Variants in MERTK observed in about 807,000 individuals in gnomAD.
MERTK encodes MER proto-oncogene, tyrosine kinase, also known as tyrosine-protein kinase Mer.
Under a neutral mutation model 99.3 loss-of-function variants are expected in MERTK, and 69 were observed. The ratio of observed to expected loss-of-function variants is 0.70; its 90% CI spans 0.57 to 0.85. The LOEUF (loss-of-function observed/expected upper bound fraction) is 0.85, where lower values mean the gene tolerates loss of function less well. MERTK is among the 40% of genes least tolerant of loss of function. MERTK has a pLI of 0.00. For synonymous variants in MERTK, 426 were observed against 467.6 expected, an observed-to-expected ratio of 0.91 and a Z score of 1.15; for missense variants, 1,125 against 1,249.4, an observed-to-expected ratio of 0.90 and a Z score of 1.50.
chr2:111,953,560 A>G (rs1049093975), intron 4 of MERTK, among the ~76,000 whole-genome samples: 5 of 151,362 alleles, frequency 3.3e-5, no homozygotes, highest in African/African-American at 1.2e-4. Flanking sequence ...CATCACCAAG[A>G]TCTGTACATT....
Position 111,945,076 on chromosome 2 carries a change from A to G in MERTK, c.583+16A>G, listed in dbSNP as rs759768947. On this transcript the variant is annotated intron_variant, in intron 3 of 18. Coordinates refer to ENST00000295408, the MANE Select transcript of MERTK (RefSeq NM_006343.3). ...GAAGTACAAGGTAAGTCCACAGACC[A>G]GAGTCCCATTGCCAGAGAACTGTTT... 6.3e-7 allele frequency: 1 copy of G among 1,584,638 alleles called. No homozygotes were observed. Among genetic ancestry groups the G allele is most frequent in the Admixed American group, 1.7e-5 (1 of 59,968 alleles).
At chr2:111,962,889 G>A (rs1468043413) in intron 4 of MERTK, among the ~76,000 whole-genome samples, 1 of 152,140 alleles carries the variant, frequency 6.6e-6, no homozygotes, top group Non-Finnish European at 1.5e-5. Context: ...TTCTTTTTAG[G>A]TGGAACGAGA....
At chr2:112,000,528 C>A (rs1015684830) in intron 10 of MERTK, among the ~76,000 whole-genome samples, 1 of 151,970 alleles carries the variant, frequency 6.6e-6, no homozygotes. Flanking sequence ...GCAATGTGTT[C>A]GATGTTTTGC....
chr2:111,906,217 G>A (rs1420748061), intron 1 of MERTK, among the ~76,000 whole-genome samples: 1 of 152,158 alleles, frequency 6.6e-6, no homozygotes, highest in African/African-American at 2.4e-5. Flanking sequence ...CTTTCTGACA[G>A]GTCCCCTTTT....
chr2:111,941,798 A>C (rs1429750646), intron 2 of MERTK, among the ~76,000 whole-genome samples: 1 of 152,218 alleles, frequency 6.6e-6, no homozygotes, highest in Non-Finnish European at 1.5e-5. Context: ...GACAACTGCT[A>C]AGCCCTTCCT....
intron 4 of MERTK, among the ~76,000 whole-genome samples, chr2:111,960,896 C>T (rs1413292116): frequency 1.3e-5 from 2 of 151,440 alleles, no homozygotes; most frequent in Non-Finnish European, 2.9e-5. Context: ...TCAGAGTCCA[C>T]GTATATTTTT....
chr2:111,970,871 TCTC>T (rs151086283), intron 6 of MERTK, among the ~76,000 whole-genome samples: 3,769 of 146,140 alleles, frequency 0.026, 179 homozygotes, highest in African/African-American at 0.093. Flanking sequence ...TCCTCCTTCT[TCTC>T]CTTCTTCTTG....
At chr2:111,923,544 C>T (rs951506173) in intron 1 of MERTK, among the ~76,000 whole-genome samples, 1 of 152,206 alleles carries the variant, frequency 6.6e-6, no homozygotes, top group African/African-American at 2.4e-5. Context: ...AGCTTAGCAG[C>T]ACTCGTTTAT....
chr2:111,910,622 A>G (rs1329727399), intron 1 of MERTK, among the ~76,000 whole-genome samples: 1 of 119,870 alleles, frequency 8.3e-6, no homozygotes, highest in African/African-American at 2.8e-5. Context: ...ATATATATAT[A>G]TATATACAAA....
chr2:111,985,363 G>T (rs868110393), intron 8 of MERTK, among the ~76,000 whole-genome samples: 1 of 152,076 alleles, frequency 6.6e-6, no homozygotes, highest in Non-Finnish European at 1.5e-5. Context: ...AAGAGAGTGG[G>T]GTATTGCTGC....
At chr2:111,975,179 T>C (rs1370802422) in intron 6 of MERTK, 110 bp from the exon 7 acceptor site, 1 of 1,037,248 alleles carries the variant, frequency 9.6e-7, no homozygotes, top group Non-Finnish European at 1.5e-6. Context: ...AAGCAGGTCC[T>C]TCCCCTTAGC....
chr2:111,944,266 C>T (rs1483687646), intron 2 of MERTK, among the ~76,000 whole-genome samples: 13 of 144,178 alleles, frequency 9.0e-5, no homozygotes, highest in African/African-American at 3.4e-4. Flanking sequence ...TGCCATTGTA[C>T]TCCAGCCTGG....
At chr2:111,988,683 C>T (rs1036253759) in intron 8 of MERTK, among the ~76,000 whole-genome samples, 5 of 152,218 alleles carry the variant, frequency 3.3e-5, no homozygotes, top group Non-Finnish European at 7.3e-5. Context: ...TGGTGGCTCA[C>T]GCCTATAATC....
At chr2:111,981,737 GTACA>G (rs1261096067) in intron 7 of MERTK, among the ~76,000 whole-genome samples, 2,860 of 151,206 alleles carry the variant, frequency 0.019, 31 homozygotes, top group Non-Finnish European at 0.025. Context: ...GTACACTCGT[GTACA>G]CACACACACA....
chr2:111,925,418 C>T (rs1684544854), intron 1 of MERTK, among the ~76,000 whole-genome samples: 1 of 146,020 alleles, frequency 6.8e-6, no homozygotes, highest in South Asian at 2.2e-4. Flanking sequence ...TCTCCTGTCT[C>T]AGCCTCCTGA....
Position 112,029,213 on chromosome 2 carries a change from G to A in MERTK, c.*349G>A. The A allele has an allele frequency of 2.5e-5, 25 of 1,000,442 alleles. No homozygotes were observed. Among genetic ancestry groups the A allele is most frequent in the Non-Finnish European group, 3.0e-5 (25 of 835,404 alleles). 62.0% of individuals were successfully genotyped at this position (1,000,442 alleles called of 1,614,324 possible). ...TTTTTCAAGTTCTTTTCTTTTTCAT[G>A]ACTATTAAATGTAAAAATATTTGTA... On this transcript the variant is annotated 3_prime_UTR_variant, in exon 19 of 19. Transcript: ENST00000295408.
intron 4 of MERTK, 139 bp from the exon 5 acceptor site, chr2:111,965,052 A>C: frequency 1.2e-6 from 1 of 805,382 alleles, no homozygotes. Context: ...CATAGCTAGC[A>C]CACCTTTTAA....
chr2:111,908,375 T>TAATA (rs1458856994), intron 1 of MERTK, among the ~76,000 whole-genome samples: 1 of 152,136 alleles, frequency 6.6e-6, no homozygotes, highest in Non-Finnish European at 1.5e-5. Context: ...ATTTAACAGG[T>TAATA]AATAAAACTC....
chr2:111,929,071 G>C, intron 1 of MERTK, 49 bp from the exon 2 acceptor site: 2 of 1,610,376 alleles, frequency 1.2e-6, no homozygotes, highest in South Asian at 2.2e-5. Flanking sequence ...ACCTACTTGG[G>C]AAACTCTTCT....
Sources: gnomAD v4.1 joint callset for allele counts (sites outside exome capture counted in the v4.1 genomes callset) on GRCh38, gnomAD v4.1.1 for gene constraint, MANE v1.5 for transcripts, NCBI Gene and HGNC (gene_info 2026-07-23, HGNC 2026-07-21) for gene names.